Variants in JMJD1C observed in about 807,000 individuals in gnomAD.
JMJD1C encodes jumonji domain-containing protein 1C.
JMJD1C carries 31 observed loss-of-function variants against 245.3 expected under a neutral mutation model. The observed-to-expected ratio is 0.13, with a 90% CI of 0.09 to 0.17. JMJD1C has a LOEUF of 0.17. Among genes scored for constraint, JMJD1C ranks in the 10% least tolerant of loss-of-function variants. The pLI is 1.00. For missense variants in JMJD1C, 2,691 were observed against 3,000.2 expected, an observed-to-expected ratio of 0.90 and a Z score of 2.41; for synonymous variants, 1,057 against 1,017.4, an observed-to-expected ratio of 1.04 and a Z score of -0.74.
chr10:63,200,074 A>C (rs1486951802), intron 11 of JMJD1C, among the ~76,000 whole-genome samples: 1 of 152,302 alleles, frequency 6.6e-6, no homozygotes, highest in East Asian at 1.9e-4. Context: ...GTGACATGTT[A>C]ATTAGTCTTT....
intron 2 of JMJD1C, among the ~76,000 whole-genome samples, chr10:63,368,690 TTTTTG>T (rs1406621757): frequency 3.6e-4 from 55 of 152,284 alleles, no homozygotes; most frequent in African/African-American, 1.2e-3. Flanking sequence ...AATAAATCTT[TTTTTG>T]TTTTGTTTTG....
At chr10:63,350,920 A>C (rs183902523) in intron 2 of JMJD1C, among the ~76,000 whole-genome samples, 205 of 151,874 alleles carry the variant, frequency 1.3e-3, no homozygotes, top group African/African-American at 4.8e-3. Context: ...CACCCGGCCC[A>C]AAATTTTTAT....
intron 2 of JMJD1C, among the ~76,000 whole-genome samples, chr10:63,333,289 T>TCA (rs1387554426): frequency 6.6e-6 from 1 of 152,134 alleles, no homozygotes; most frequent in African/African-American, 2.4e-5. Context: ...GTGTGGTGGC[T>TCA]CACACTTGTA....
chr10:63,466,395 G>C (rs1953285667), upstream of JMJD1C: 1 of 152,766 alleles, frequency 6.5e-6, no homozygotes, highest in Non-Finnish European at 1.5e-5. Flanking sequence ...CAGTCCCGCA[G>C]TAACAGCAGC....
intron 3 of JMJD1C, among the ~76,000 whole-genome samples, chr10:63,239,485 C>T (rs1851215668): frequency 1.3e-5 from 2 of 152,112 alleles, no homozygotes; most frequent in South Asian, 4.1e-4. Flanking sequence ...CGCTCTGTCA[C>T]CCAGGCTGGA....
intron 1 of JMJD1C, among the ~76,000 whole-genome samples, chr10:63,387,257 C>T (rs1344693112): frequency 6.6e-6 from 1 of 151,978 alleles, no homozygotes; most frequent in Non-Finnish European, 1.5e-5. Context: ...ATAAAAGAAA[C>T]AAGAAGAAGC....
At chr10:63,275,166 T>C (rs917685409) in intron 2 of JMJD1C, among the ~76,000 whole-genome samples, 31 of 152,248 alleles carry the variant, frequency 2.0e-4, no homozygotes, top group African/African-American at 7.2e-4. Flanking sequence ...ATCTTGTTTA[T>C]AGAAGTGCTA....
intron 3 of JMJD1C, among the ~76,000 whole-genome samples, chr10:63,236,799 T>G (rs1319331287): frequency 6.6e-6 from 1 of 152,200 alleles, no homozygotes; most frequent in Non-Finnish European, 1.5e-5. Flanking sequence ...TAAAGTATTC[T>G]ACTGAAAATT....
chr10:63,328,692 GT>G (rs755210485), intron 2 of JMJD1C, among the ~76,000 whole-genome samples: 1 of 152,162 alleles, frequency 6.6e-6, no homozygotes, highest in Admixed American at 6.5e-5. Context: ...GTACAGACAT[GT>G]TTTTACATCT....
At chr10:63,299,258 T>C (rs1010809629) in intron 2 of JMJD1C, among the ~76,000 whole-genome samples, 1 of 152,234 alleles carries the variant, frequency 6.6e-6, no homozygotes, top group South Asian at 2.1e-4. Flanking sequence ...CTTGGCTCAC[T>C]GCAACCTTTA....
chr10:63,279,557 C>A (rs957121680), intron 2 of JMJD1C, among the ~76,000 whole-genome samples: 2 of 152,024 alleles, frequency 1.3e-5, no homozygotes, highest in African/African-American at 4.8e-5. Context: ...GGTAGGGAGG[C>A]AAAGGTGGGA....
intron 1 of JMJD1C, among the ~76,000 whole-genome samples, chr10:63,407,698 A>G (rs1262448252): frequency 6.6e-6 from 1 of 152,092 alleles, no homozygotes; most frequent in African/African-American, 2.4e-5. Flanking sequence ...GGAAGAAAAT[A>G]GACCAAAGAG....
intron 1 of JMJD1C, among the ~76,000 whole-genome samples, chr10:63,389,858 C>T (rs912644159): frequency 6.6e-6 from 1 of 152,054 alleles, no homozygotes; most frequent in Admixed American, 6.6e-5. Context: ...AAAATCAATT[C>T]AAAACATACC....
In JMJD1C at chr10:63,185,778, T is replaced by C. The variant is rs1271572317; in HGVS notation, c.6740-125A>G. The C allele has an allele frequency of 6.1e-6, 4 of 653,114 alleles. No homozygotes were observed. The African/African-American group carries it at 7.3e-5, about 12-fold the overall frequency. The allele number at this position is 653,114 out of a possible 1,614,324, so 40.5% of individuals were successfully genotyped here. ...GCACATTACATGCTTAATGATTGCT[T>C]GCTTATTGACTTATTACTTATGTAC... On this transcript the variant is annotated intron_variant, in intron 19 of 25. Transcript: ENST00000399262.
intron 1 of JMJD1C, among the ~76,000 whole-genome samples, chr10:63,498,383 C>CTAT (rs1205667544): frequency 6.6e-6 from 1 of 152,098 alleles, no homozygotes; most frequent in Non-Finnish European, 1.5e-5. Context: ...TATCTGATTA[C>CTAT]TATTAAAATG....
intron 2 of JMJD1C, among the ~76,000 whole-genome samples, chr10:63,290,516 G>T (rs1298727779): frequency 6.6e-6 from 1 of 151,998 alleles, no homozygotes; most frequent in Non-Finnish European, 1.5e-5. Flanking sequence ...AGCCAAGATC[G>T]CACCACTGCA....
At chr10:63,298,327 G>A (rs1440919657) in intron 2 of JMJD1C, among the ~76,000 whole-genome samples, 2 of 152,202 alleles carry the variant, frequency 1.3e-5, no homozygotes, top group Non-Finnish European at 2.9e-5. Flanking sequence ...TCCAGCTGGT[G>A]AAGTGACATC....
intron 1 of JMJD1C, among the ~76,000 whole-genome samples, chr10:63,430,315 C>A (rs1181575970): frequency 6.6e-6 from 1 of 152,054 alleles, no homozygotes; most frequent in Non-Finnish European, 1.5e-5. Flanking sequence ...ACCAAAAGCA[C>A]AAGTAACAAA....
chr10:63,220,618 C>A (rs1161409079), intron 3 of JMJD1C, among the ~76,000 whole-genome samples: 2 of 152,208 alleles, frequency 1.3e-5, no homozygotes, highest in Admixed American at 6.5e-5. Flanking sequence ...CCAATTCTCT[C>A]TCATTGGAGA....
Sources: gnomAD v4.1 joint callset for allele counts (sites outside exome capture counted in the v4.1 genomes callset) on GRCh38, gnomAD v4.1.1 for gene constraint, MANE v1.5 for transcripts, NCBI Gene and HGNC (gene_info 2026-07-23, HGNC 2026-07-21) for gene names.